SEMA6D: variants seen among roughly 807,000 people sequenced by gnomAD.
SEMA6D encodes semaphorin 6D.
In SEMA6D, 35 loss-of-function variants were observed where a neutral mutation model predicts 106.6. The ratio of observed to expected loss-of-function variants is 0.33; its 90% CI spans 0.25 to 0.44. SEMA6D has a LOEUF of 0.44. SEMA6D is among the 20% of genes least tolerant of loss of function. The pLI, the probability that SEMA6D is intolerant of heterozygous loss-of-function variation, is 1.00. For missense variants in SEMA6D, 1,185 were observed against 1,345.9 expected (o/e 0.88, Z 1.87); for synonymous variants, 499 against 487.7 (o/e 1.02, Z -0.31).
chr15:47,709,245 T>G (rs1209638333), intron 4 of SEMA6D, among the ~76,000 whole-genome samples: 1 of 152,122 alleles, frequency 6.6e-6, no homozygotes, highest in Non-Finnish European at 1.5e-5. Context: ...TATCTCCAGG[T>G]TCTGCTGGAG....
intron 3 of SEMA6D, among the ~76,000 whole-genome samples, chr15:47,581,948 T>C (rs1304058475): frequency 6.6e-6 from 1 of 152,202 alleles, no homozygotes; most frequent in Non-Finnish European, 1.5e-5. Context: ...AATCCTTCAT[T>C]TGAACTCTGG....
chr15:47,422,323 G>T (rs2041198026), intron 2 of SEMA6D, among the ~76,000 whole-genome samples: 1 of 151,608 alleles, frequency 6.6e-6, no homozygotes, highest in Non-Finnish European at 1.5e-5. Flanking sequence ...TTTAAGTGAT[G>T]AAGTATGTAC....
chr15:47,435,927 A>C (rs771294951), intron 2 of SEMA6D, among the ~76,000 whole-genome samples: 1 of 152,002 alleles, frequency 6.6e-6, no homozygotes, highest in Non-Finnish European at 1.5e-5. Flanking sequence ...GCTTTGGACT[A>C]TGGGCTGTGA....
At chr15:47,218,958 AACTAAT>A (rs1189170898) in intron 1 of SEMA6D, among the ~76,000 whole-genome samples, 1 of 152,188 alleles carries the variant, frequency 6.6e-6, no homozygotes, top group African/African-American at 2.4e-5. Context: ...GTCGATTGCT[AACTAAT>A]TGAGGTTTTC....
chr15:47,352,905 A>G (rs2038382209), intron 1 of SEMA6D, among the ~76,000 whole-genome samples: 1 of 152,212 alleles, frequency 6.6e-6, no homozygotes, highest in Admixed American at 6.5e-5. Context: ...AGGCTGATAG[A>G]ATTTCATGAA....
intron 3 of SEMA6D, among the ~76,000 whole-genome samples, chr15:47,549,428 C>T (rs1373295627): frequency 6.6e-6 from 1 of 152,162 alleles, no homozygotes; most frequent in East Asian, 1.9e-4. Context: ...CTTTCCCCAG[C>T]ACAGTCTGCT....
At chr15:47,193,814 C>T (rs193287393) in intron 1 of SEMA6D, among the ~76,000 whole-genome samples, 92 of 152,172 alleles carry the variant, frequency 6.0e-4, no homozygotes, top group African/African-American at 2.2e-3. Flanking sequence ...TCTGTGACTT[C>T]TATTAATCTG....
At chr15:47,446,219 G>A (rs571364632) in intron 2 of SEMA6D, among the ~76,000 whole-genome samples, 5 of 152,170 alleles carry the variant, frequency 3.3e-5, no homozygotes, top group African/African-American at 1.2e-4. Context: ...GGGAGGCAAT[G>A]ATCACTTCTA....
intron 3 of SEMA6D, among the ~76,000 whole-genome samples, chr15:47,576,641 A>G (rs1050420785): frequency 2.6e-5 from 4 of 152,164 alleles, no homozygotes; most frequent in African/African-American, 9.7e-5. Context: ...TTAGAGAACT[A>G]TTAAGGCCTC....
intron 1 of SEMA6D, among the ~76,000 whole-genome samples, chr15:47,402,156 C>A (rs1013352384): frequency 6.6e-6 from 1 of 152,090 alleles, no homozygotes; most frequent in African/African-American, 2.4e-5. Context: ...TAGTTGATGC[C>A]ACTGCAGAAC....
intron 1 of SEMA6D, among the ~76,000 whole-genome samples, chr15:47,212,004 T>C (rs558105492): frequency 6.6e-6 from 1 of 152,160 alleles, no homozygotes; most frequent in South Asian, 2.1e-4. Context: ...TGAAAACTGC[T>C]AAGAAGGAGA....
intron 3 of SEMA6D, among the ~76,000 whole-genome samples, chr15:47,539,887 C>A (rs1465001905): frequency 1.3e-5 from 2 of 152,102 alleles, no homozygotes; most frequent in East Asian, 3.9e-4. Context: ...CTGGGGAAAT[C>A]ATTGATCCTG....
chr15:47,558,069 A>G (rs1382525552), intron 3 of SEMA6D, among the ~76,000 whole-genome samples: 1 of 152,100 alleles, frequency 6.6e-6, no homozygotes, highest in East Asian at 1.9e-4. Flanking sequence ...TCTGATACTC[A>G]TTACTGGACA....
chr15:47,453,875 C>T (rs2042264499), intron 2 of SEMA6D, among the ~76,000 whole-genome samples: 1 of 151,902 alleles, frequency 6.6e-6, no homozygotes, highest in African/African-American at 2.4e-5. Context: ...AAAAGGAGCC[C>T]TCCTCATCTG....
At chr15:47,638,268 T>C (rs765056419) in intron 4 of SEMA6D, among the ~76,000 whole-genome samples, 3 of 152,160 alleles carry the variant, frequency 2.0e-5, no homozygotes, top group Non-Finnish European at 4.4e-5. Context: ...TCAACCTCTC[T>C]GTGGGCCTTG....
intron 1 of SEMA6D, among the ~76,000 whole-genome samples, chr15:47,236,835 C>T (rs781415880): frequency 3.3e-5 from 5 of 152,254 alleles, no homozygotes; most frequent in East Asian, 1.9e-4. Flanking sequence ...GCAAATAGCA[C>T]GGGACTGGGA....
At chr15:47,682,631 A>C (rs992459347) in intron 4 of SEMA6D, among the ~76,000 whole-genome samples, 10 of 152,178 alleles carry the variant, frequency 6.6e-5, no homozygotes, top group South Asian at 2.1e-4. Context: ...TGCACACCAA[A>C]TCTTGGATGC....
rs1411639767 is a variant in SEMA6D at position 47,571,551 on chromosome 15, T to C, written c.-86-29314T>C. Reference sequence around the variant, plus strand: ...TCCCAGAATCATCATCAATCTTCAATCCAGGTTTAAGAAAGCAAAATATCT... The same window carrying C: ...TCCCAGAATCATCATCAATCTTCAACCCAGGTTTAAGAAAGCAAAATATCT... On this transcript the variant is annotated intron_variant, in intron 3 of 19. Transcript: ENST00000558014. Among the ~76,000 whole-genome samples the C allele has an allele frequency of 3.3e-5, 5 of 152,204 alleles. No homozygotes were observed. In the East Asian group the frequency reaches 9.6e-4, roughly 29 times the overall value.
intron 1 of SEMA6D, among the ~76,000 whole-genome samples, chr15:47,327,310 A>G (rs1239025209): frequency 2.6e-5 from 4 of 152,236 alleles, no homozygotes; most frequent in African/African-American, 9.6e-5. Flanking sequence ...CTTAGTGCCA[A>G]GCATTGATAA....
Sources: allele counts gnomAD v4.1 joint callset (sites outside exome capture counted in the v4.1 genomes callset), GRCh38; gene constraint gnomAD v4.1.1; transcripts MANE v1.5; gene names NCBI Gene and HGNC (gene_info 2026-07-23, HGNC 2026-07-21).